ELMO1: variants seen among roughly 807,000 people sequenced by gnomAD.
ELMO1 encodes the protein engulfment and cell motility protein 1.
In ELMO1, 26 loss-of-function variants were observed where a neutral mutation model predicts 98.9. That is an observed-to-expected ratio of 0.26 (90% CI 0.19 to 0.36). ELMO1 has a LOEUF of 0.36. Among genes scored for constraint, ELMO1 ranks in the 10% least tolerant of loss-of-function variants. ELMO1 has a pLI of 1.00. For synonymous variants in ELMO1, 346 were observed against 346.0 expected (o/e 1.00, Z 0.00); for missense variants, 627 against 935.2 (o/e 0.67, Z 4.30).
intron 4 of ELMO1, among the ~76,000 whole-genome samples, chr7:37,278,571 C>G (rs1223529969): frequency 6.6e-6 from 1 of 152,140 alleles, no homozygotes; most frequent in African/African-American, 2.4e-5. Flanking sequence ...GGAACAAATT[C>G]TACCTGTGGA....
chr7:36,924,500 T>G (rs1275561987), intron 16 of ELMO1, among the ~76,000 whole-genome samples: 1 of 152,146 alleles, frequency 6.6e-6, no homozygotes, highest in Non-Finnish European at 1.5e-5. Flanking sequence ...GAGGAGTACG[T>G]CCTCTTAGCA....
At chr7:37,041,536 CACAG>C (rs1278628423) in intron 15 of ELMO1, among the ~76,000 whole-genome samples, 4 of 152,236 alleles carry the variant, frequency 2.6e-5, no homozygotes, top group Middle Eastern at 3.4e-3. Flanking sequence ...CCCAGAAATT[CACAG>C]ACAGAGTGAG....
intron 5 of ELMO1, among the ~76,000 whole-genome samples, chr7:37,267,837 G>T (rs556697656): frequency 6.6e-6 from 1 of 152,104 alleles, no homozygotes; most frequent in Admixed American, 6.5e-5. Context: ...TGAATGAACC[G>T]GACCTCCATT....
intron 13 of ELMO1, among the ~76,000 whole-genome samples, chr7:37,204,822 C>G (rs1167761849): frequency 6.6e-6 from 1 of 152,078 alleles, no homozygotes; most frequent in African/African-American, 2.4e-5. Context: ...AGTCCCCCAC[C>G]CGATTAGCTA....
At chr7:36,879,154 G>C (rs1298195638) in intron 18 of ELMO1, among the ~76,000 whole-genome samples, 3 of 152,360 alleles carry the variant, frequency 2.0e-5, no homozygotes, top group African/African-American at 7.2e-5. Context: ...GATAGGAGAA[G>C]AGGACTCCAG....
chr7:36,914,600 G>A (rs1036918849), intron 16 of ELMO1, among the ~76,000 whole-genome samples: 2 of 149,154 alleles, frequency 1.3e-5, no homozygotes, highest in South Asian at 4.2e-4. Context: ...TGCAACCTCC[G>A]CCTCCCGTGT....
At position 37,139,254 on chromosome 7, in the gene ELMO1, C is replaced by A. The variant is rs1163025274; in HGVS notation, c.1087-6020G>T. Among the ~76,000 whole-genome samples the A allele has an allele frequency of 3.3e-5, 5 of 152,078 alleles. No homozygotes were observed. The South Asian group carries it at 6.2e-4, about 19-fold the overall frequency. ...GACAAGAGAAATAAATAAAGGGTAT[C>A]CAAATCAATAAAGAGGAAGTCAAAT... is the stretch of plus-strand genomic sequence containing the variant. On this transcript the variant is annotated intron_variant, in intron 13 of 21. Coordinates refer to ENST00000310758, the MANE Select transcript of ELMO1 (RefSeq NM_014800.11).
intron 15 of ELMO1, among the ~76,000 whole-genome samples, chr7:37,021,991 C>CA (rs1204751526): frequency 6.6e-6 from 1 of 152,000 alleles, no homozygotes; most frequent in African/African-American, 2.4e-5. Context: ...GGATTTATGA[C>CA]AAAAATGACA....
intron 16 of ELMO1, among the ~76,000 whole-genome samples, chr7:36,922,522 G>T (rs1301579303): frequency 6.6e-6 from 1 of 151,788 alleles, no homozygotes; most frequent in East Asian, 1.9e-4. Context: ...TTTTATTCTT[G>T]GATTGCGGGA....
At chr7:37,240,765 A>T (rs1056903091) in intron 7 of ELMO1, among the ~76,000 whole-genome samples, 2 of 152,020 alleles carry the variant, frequency 1.3e-5, no homozygotes, top group African/African-American at 4.8e-5. Context: ...CTAATTTCCA[A>T]ACATCCGAGG....
intron 13 of ELMO1, among the ~76,000 whole-genome samples, chr7:37,150,377 A>C (rs192890630): frequency 1.1e-4 from 17 of 151,550 alleles, no homozygotes; most frequent in Admixed American, 9.2e-4. Flanking sequence ...GCCCACATTC[A>C]CACAATCAGT....
rs1215191870 is a variant in ELMO1, at chr7:37,282,976, T to C, written c.193-11094A>G. Reference sequence around the variant, plus strand: ...AAAAGAAAGAACAAGTATTAAGAGATATCTATTAACTACCTATTTGTGGTC... The same window carrying C: ...AAAAGAAAGAACAAGTATTAAGAGACATCTATTAACTACCTATTTGTGGTC... On this transcript the variant is annotated intron_variant, in intron 4 of 21. Coordinates refer to ENST00000310758, the MANE Select transcript of ELMO1 (RefSeq NM_014800.11). Among the ~76,000 whole-genome samples, 4 of 152,326 alleles carry C rather than the reference T, an allele frequency of 2.6e-5. No individual in the cohort carries two copies. In the East Asian group the frequency reaches 7.7e-4, roughly 29 times the overall value.
intron 5 of ELMO1, among the ~76,000 whole-genome samples, chr7:37,267,962 T>G (rs1796348947): frequency 6.6e-6 from 1 of 152,212 alleles, no homozygotes; most frequent in Non-Finnish European, 1.5e-5. Flanking sequence ...AATTTATTGA[T>G]CTTTTTCTTT....
At chr7:37,433,494 A>G (rs1237486311) in intron 1 of ELMO1, among the ~76,000 whole-genome samples, 1 of 152,162 alleles carries the variant, frequency 6.6e-6, no homozygotes, top group East Asian at 1.9e-4. Flanking sequence ...AGGAAGCCAG[A>G]GGCCTCTATC....
In ELMO1 at chr7:36,887,692, T is replaced by G. The variant is rs186536954; in HGVS notation, c.1602-20A>C. On this transcript the variant is annotated intron_variant, in intron 17 of 21. Coordinates refer to ENST00000310758, the MANE Select transcript of ELMO1 (RefSeq NM_014800.11). ...AGTTCCCTGTTAGAGGAAAAACACA[T>G]ATTCCACAGCATGCCTTGAGAAACA... 2 of 1,610,012 alleles carry G rather than the reference T, an allele frequency of 1.2e-6. No individual in the cohort carries two copies. Among genetic ancestry groups the G allele is most frequent in the African/African-American group, 1.3e-5 (1 of 74,850 alleles).
Position 37,166,278 on chromosome 7 carries a change from TC to T in ELMO1, c.1087-33045del, listed in dbSNP as rs1789683683. On this transcript the variant is annotated intron_variant, in intron 13 of 21. Coordinates refer to ENST00000310758, the MANE Select transcript of ELMO1 (RefSeq NM_014800.11). ...CGGTCAATCAACTTTGTTGATCCTT[TC>T]AAAAAAGCAGCTCCTGGATTCATTA... 2.0e-5 allele frequency among the ~76,000 whole-genome samples: 3 copies of T among 152,230 alleles called. No homozygotes were observed. The South Asian group carries it at 6.2e-4, about 32-fold the overall frequency.
chr7:37,007,246 T>C (rs1793202879), intron 16 of ELMO1, among the ~76,000 whole-genome samples: 1 of 152,182 alleles, frequency 6.6e-6, no homozygotes, highest in African/African-American at 2.4e-5. Flanking sequence ...GTGTAGGACA[T>C]TAGGGCTCTT....
intron 15 of ELMO1, among the ~76,000 whole-genome samples, chr7:37,062,722 C>A (rs377633857): frequency 2.0e-5 from 3 of 152,120 alleles, no homozygotes; most frequent in African/African-American, 7.2e-5. Context: ...GCCTCCTGGA[C>A]CTGGTAAATT....
intron 15 of ELMO1, among the ~76,000 whole-genome samples, chr7:37,033,863 C>T (rs1011319987): frequency 1.3e-5 from 2 of 151,846 alleles, no homozygotes; most frequent in Admixed American, 6.6e-5. Flanking sequence ...TTCAGGGGTG[C>T]GGAATAAAGA....
Sources: allele counts gnomAD v4.1 joint callset (sites outside exome capture counted in the v4.1 genomes callset), GRCh38; gene constraint gnomAD v4.1.1; transcripts MANE v1.5; gene names NCBI Gene and HGNC (gene_info 2026-07-23, HGNC 2026-07-21).